SAMMSON: variants seen among roughly 807,000 people sequenced by gnomAD.
The protein encoded by SAMMSON is long intergenic non-protein coding RNA 1212.
At chr3:70,082,947 G>A (rs1049372292) in intron 4 of SAMMSON, among the ~76,000 whole-genome samples, 2 of 152,204 alleles carry the variant, frequency 1.3e-5, no homozygotes, top group African/African-American at 2.4e-5. Flanking sequence ...GCTGGTAAAT[G>A]ATGGAGCTAG....
At chr3:70,319,273 A>G (rs1702518630) in intron 7 of SAMMSON, among the ~76,000 whole-genome samples, 1 of 152,056 alleles carries the variant, frequency 6.6e-6, no homozygotes, top group African/African-American at 2.4e-5. Flanking sequence ...CCTGCACTAT[A>G]TTAGGAAAAG....
At chr3:70,065,784 C>T (rs1044246044) in intron 3 of SAMMSON, among the ~76,000 whole-genome samples, 2 of 152,008 alleles carry the variant, frequency 1.3e-5, no homozygotes, top group Non-Finnish European at 2.9e-5. Context: ...AAAAAATTGG[C>T]CCCAAATGTT....
intron 7 of SAMMSON, among the ~76,000 whole-genome samples, chr3:70,338,616 C>A (rs1452928258): frequency 1.3e-5 from 2 of 152,086 alleles, no homozygotes; most frequent in Non-Finnish European, 2.9e-5. Context: ...AACAGACAAA[C>A]AGAGAGCCAA....
intron 6 of SAMMSON, among the ~76,000 whole-genome samples, chr3:70,251,745 TAAGG>T (rs1322575119): frequency 6.6e-6 from 1 of 152,212 alleles, no homozygotes; most frequent in Non-Finnish European, 1.5e-5. Context: ...GTTGCTCGTC[TAAGG>T]AAGATGAGGA....
At chr3:70,328,902 G>T (rs549846771) in intron 7 of SAMMSON, among the ~76,000 whole-genome samples, 2 of 152,156 alleles carry the variant, frequency 1.3e-5, no homozygotes, top group South Asian at 4.1e-4. Flanking sequence ...GTACTAAACA[G>T]AAAAATCTTA....
At chr3:70,078,584 C>T (rs2067256933) in intron 4 of SAMMSON, among the ~76,000 whole-genome samples, 1 of 152,184 alleles carries the variant, frequency 6.6e-6, no homozygotes, top group South Asian at 2.1e-4. Flanking sequence ...GATTTATCTG[C>T]TTCTTTGGCC....
intron 7 of SAMMSON, among the ~76,000 whole-genome samples, chr3:70,317,167 CAT>C (rs952164152): frequency 2.6e-5 from 4 of 151,982 alleles, no homozygotes; most frequent in African/African-American, 4.8e-5. Context: ...CACATCTACA[CAT>C]GTTATAATCC....
intron 6 of SAMMSON, among the ~76,000 whole-genome samples, chr3:70,288,186 G>T (rs1469474051): frequency 5.0e-5 from 7 of 141,308 alleles, no homozygotes; most frequent in African/African-American, 1.9e-4. Flanking sequence ...GCTTTCTCTT[G>T]TGGGCATTTA....
intron 2 of SAMMSON, among the ~76,000 whole-genome samples, chr3:70,417,591 G>A (rs550190725): frequency 2.0e-5 from 3 of 152,276 alleles, no homozygotes; most frequent in South Asian, 4.1e-4. Context: ...GGTGGATCCA[G>A]GAGCTCAGCT....
chr3:70,365,128 T>C (rs1702911001), intron 9 of SAMMSON, among the ~76,000 whole-genome samples: 1 of 151,738 alleles, frequency 6.6e-6, no homozygotes, highest in South Asian at 2.1e-4. Context: ...TCATACAGAA[T>C]ATTTTTGCCA....
Position 70,025,360 on chromosome 3 carries a change from T to A in SAMMSON, n.417+11688T>A, listed in dbSNP as rs560491370. ...GCCAGGTTCAAACGATTCTTCTGCC[T>A]CAGCCTCTTGAGTAGCTGGGATTAC... On this transcript the variant is annotated intron_variant and non_coding_transcript_variant, in intron 3 of 9. Coordinates refer to ENST00000642114, the Ensembl canonical transcript of SAMMSON. Among the ~76,000 whole-genome samples the A allele has an allele frequency of 2.0e-5, 3 of 152,288 alleles. No individual in the cohort carries two copies. In the South Asian group the frequency reaches 6.2e-4, roughly 32 times the overall value.
chr3:70,333,636 G>A (rs1449716399), intron 7 of SAMMSON, among the ~76,000 whole-genome samples: 3 of 152,088 alleles, frequency 2.0e-5, no homozygotes. Context: ...ATAGAGCCCA[G>A]CATCTAAGTA....
At chr3:70,334,651 C>T (rs901927399) in intron 7 of SAMMSON, among the ~76,000 whole-genome samples, 1 of 152,006 alleles carries the variant, frequency 6.6e-6, no homozygotes, top group African/African-American at 2.4e-5. Flanking sequence ...TGCATGATAA[C>T]ATTTATTTTG....
At chr3:70,142,499 G>T (rs1005714275) in intron 4 of SAMMSON, among the ~76,000 whole-genome samples, 1 of 152,052 alleles carries the variant, frequency 6.6e-6, no homozygotes, top group Non-Finnish European at 1.5e-5. Flanking sequence ...GGATGCAAAG[G>T]CATAAGAATG....
At chr3:70,264,239 C>G (rs1263598642) in intron 6 of SAMMSON, among the ~76,000 whole-genome samples, 1 of 152,214 alleles carries the variant, frequency 6.6e-6, no homozygotes, top group Non-Finnish European at 1.5e-5. Flanking sequence ...CTTGACCTCT[C>G]TTGACCTTAA....
chr3:70,101,220 A>G (rs1390020841), intron 4 of SAMMSON, among the ~76,000 whole-genome samples: 1 of 152,194 alleles, frequency 6.6e-6, no homozygotes, highest in Non-Finnish European at 1.5e-5. Flanking sequence ...TAGATAAATG[A>G]GTAGTGCTAT....
rs561630220 is a variant in SAMMSON, at chr3:70,089,709, G to T, written n.507+18144G>T. ...TAAGGTGATGCTTTCAAGGTGTTTC[G>T]GTAGGGGCCATTTTTGGATGTTTTC... On this transcript the variant is annotated intron_variant and non_coding_transcript_variant, in intron 4 of 9. Coordinates refer to ENST00000642114, the Ensembl canonical transcript of SAMMSON. Among the ~76,000 whole-genome samples the T allele has an allele frequency of 3.3e-5, 5 of 152,062 alleles. 1 individual carries two copies. In the South Asian group the frequency reaches 6.2e-4, roughly 19 times the overall value.
intron 6 of SAMMSON, among the ~76,000 whole-genome samples, chr3:70,282,726 A>G (rs753781294): frequency 2.0e-5 from 3 of 152,152 alleles, no homozygotes; most frequent in East Asian, 3.9e-4. Flanking sequence ...CTTCTTGCTT[A>G]TTTGTCACCA....
intron 4 of SAMMSON, among the ~76,000 whole-genome samples, chr3:70,078,892 A>C (rs13076818): frequency 3.9e-5 from 6 of 152,200 alleles, no homozygotes; most frequent in Non-Finnish European, 8.8e-5. Context: ...ATTTATTTAA[A>C]AATAATTAAA....
Sources: allele counts gnomAD v4.1 joint callset (sites outside exome capture counted in the v4.1 genomes callset), GRCh38; gene constraint gnomAD v4.1.1; transcripts MANE v1.5; gene names NCBI Gene and HGNC (gene_info 2026-07-23, HGNC 2026-07-21).